Variants in SLC8A3 observed in about 807,000 individuals in gnomAD.
SLC8A3 encodes the protein sodium/calcium exchanger 3.
Under a neutral mutation model 65.4 loss-of-function variants are expected in SLC8A3, and 37 were observed. That is an observed-to-expected ratio of 0.57 (90% CI 0.44 to 0.74). SLC8A3 has a LOEUF of 0.74. SLC8A3 is among the 30% of genes least tolerant of loss of function. The pLI is 0.00. For missense variants in SLC8A3, 1,112 were observed against 1,172.1 expected, an observed-to-expected ratio of 0.95 and a Z score of 0.75; for synonymous variants, 461 against 444.5, an observed-to-expected ratio of 1.04 and a Z score of -0.47.
chr14:70,095,162 T>A (rs1315737143), intron 2 of SLC8A3, among the ~76,000 whole-genome samples: 1 of 152,198 alleles, frequency 6.6e-6, no homozygotes, highest in Admixed American at 6.5e-5. Context: ...AATCCAGGTG[T>A]TCTAAGTATT....
chr14:70,176,696 C>T (rs1897931012), intron 1 of SLC8A3, among the ~76,000 whole-genome samples: 1 of 152,212 alleles, frequency 6.6e-6, no homozygotes, highest in Non-Finnish European at 1.5e-5. Context: ...TCCTTTCATA[C>T]CTTGCCAAGA....
chr14:70,089,741 C>T (rs974411701), intron 2 of SLC8A3, among the ~76,000 whole-genome samples: 2 of 152,126 alleles, frequency 1.3e-5, no homozygotes, highest in African/African-American at 4.8e-5. Context: ...ATTGTGACTT[C>T]CGTTTGCTGT....
rs1375894271 is a variant in SLC8A3, at chr14:70,068,468, C to T, written c.1785-7529G>A. On this transcript the variant is annotated intron_variant, in intron 2 of 6. Coordinates refer to ENST00000356921, the MANE Select transcript of SLC8A3 (RefSeq NM_182932.3). Reference sequence around the variant, plus strand: ...ATCATGACTCACTGCAGCCTCAACTCCTGTGCTCAGGCCGTCCTCCTGCCT... The same window carrying T: ...ATCATGACTCACTGCAGCCTCAACTTCTGTGCTCAGGCCGTCCTCCTGCCT... Among the ~76,000 whole-genome samples the T allele has an allele frequency of 2.0e-5, 3 of 152,140 alleles. 1 individual carries two copies. The highest frequency in any genetic ancestry group is 4.4e-5 in the Non-Finnish European group (3 of 68,028).
intron 2 of SLC8A3, among the ~76,000 whole-genome samples, chr14:70,156,504 A>G (rs957958049): frequency 6.6e-6 from 1 of 152,188 alleles, no homozygotes; most frequent in African/African-American, 2.4e-5. Context: ...AGTCCTTTCC[A>G]AGATGGCCCC....
At chr14:70,185,487 G>A (rs1310511136) in intron 1 of SLC8A3, among the ~76,000 whole-genome samples, 3 of 152,328 alleles carry the variant, frequency 2.0e-5, no homozygotes, top group Middle Eastern at 3.4e-3. Flanking sequence ...ACAACCTATC[G>A]GCTTTAGGGT....
chr14:70,094,317 G>A (rs184797898), intron 2 of SLC8A3, among the ~76,000 whole-genome samples: 1 of 152,326 alleles, frequency 6.6e-6, no homozygotes, highest in African/African-American at 2.4e-5. Flanking sequence ...GGATAATAAA[G>A]CTTGCATAAC....
chr14:70,092,685 T>C (rs138368771), intron 2 of SLC8A3, among the ~76,000 whole-genome samples: 1 of 152,336 alleles, frequency 6.6e-6, no homozygotes, highest in East Asian at 1.9e-4. Flanking sequence ...GATGTGGGTC[T>C]GAGTGCTGCT....
intron 2 of SLC8A3, among the ~76,000 whole-genome samples, chr14:70,120,133 C>T (rs1277366192): frequency 1.3e-5 from 2 of 152,214 alleles, no homozygotes; most frequent in Admixed American, 6.5e-5. Context: ...CCTGCATCCC[C>T]ATCCCCAAGT....
intron 1 of SLC8A3, among the ~76,000 whole-genome samples, chr14:70,180,642 G>A (rs918741530): frequency 6.6e-6 from 1 of 152,202 alleles, no homozygotes; most frequent in Non-Finnish European, 1.5e-5. Flanking sequence ...AAGCCACTGA[G>A]CAGAGTGGTT....
At chr14:70,109,335 CAT>C (rs1401240610) in intron 2 of SLC8A3, among the ~76,000 whole-genome samples, 2 of 148,042 alleles carry the variant, frequency 1.4e-5, no homozygotes, top group African/African-American at 2.5e-5. Flanking sequence ...TACACACACA[CAT>C]ATATATACAT....
At chr14:70,174,179 C>A (rs902321258) in intron 1 of SLC8A3, among the ~76,000 whole-genome samples, 1 of 152,206 alleles carries the variant, frequency 6.6e-6, no homozygotes, top group Non-Finnish European at 1.5e-5. Flanking sequence ...AGCGCCCCTT[C>A]GAGCAAAGGC....
chr14:70,140,918 C>A (rs534004532), intron 2 of SLC8A3, among the ~76,000 whole-genome samples: 17 of 152,268 alleles, frequency 1.1e-4, no homozygotes, highest in Admixed American at 3.3e-4. Flanking sequence ...AAAAGCAGGA[C>A]CAAATTCTCA....
chr14:70,175,362 AT>A (rs1309455074), intron 1 of SLC8A3, among the ~76,000 whole-genome samples: 2 of 152,196 alleles, frequency 1.3e-5, no homozygotes, highest in African/African-American at 2.4e-5. Flanking sequence ...AAGATTCATA[AT>A]TTACCCAAGG....
In SLC8A3 at chr14:70,074,619, C is replaced by T. The variant is rs41344445; in HGVS notation, c.1785-13680G>A. 4.8e-3 allele frequency among the ~76,000 whole-genome samples: 724 copies of T among 152,262 alleles called. 4 individuals carry two copies. Among genetic ancestry groups the T allele is most frequent in the African/African-American group, 0.017 (686 of 41,544 alleles). ...CTATGCTTAAAGGTCTGAAGTTATT[C>T]TTATGGTCAAAGCAAGAGGCTGATA... On this transcript the variant is annotated intron_variant, in intron 2 of 6. Coordinates refer to ENST00000356921, the MANE Select transcript of SLC8A3 (RefSeq NM_182932.3).
intron 1 of SLC8A3, among the ~76,000 whole-genome samples, chr14:70,170,088 C>T (rs1194045176): frequency 6.6e-6 from 1 of 152,154 alleles, no homozygotes; most frequent in South Asian, 2.1e-4. Flanking sequence ...CATATAGCCA[C>T]CGTAATCTTT....
rs547593509 is a variant in SLC8A3, at chr14:70,180,904, G to T, written c.-63+7475C>A. Among the ~76,000 whole-genome samples, 13 of 152,336 alleles carry T rather than the reference G, an allele frequency of 8.5e-5. No homozygotes were observed. In the East Asian group the frequency reaches 2.5e-3, roughly 29 times the overall value. ...GGCACCTTACTGGCTGGACAGCTGA[G>T]TTGACTGGCCAAGTTGATCTCTAGA... is the stretch of plus-strand genomic sequence containing the variant. On this transcript the variant is annotated intron_variant, in intron 1 of 6. Transcript: ENST00000356921.
At chr14:70,137,061 A>G (rs17107801) in intron 2 of SLC8A3, among the ~76,000 whole-genome samples, 17,745 of 152,230 alleles carry the variant, frequency 0.12, 1,113 homozygotes, top group Middle Eastern at 0.16. Context: ...CAGAGATAAA[A>G]CTGGGAACCA....
intron 2 of SLC8A3, among the ~76,000 whole-genome samples, chr14:70,097,465 G>A (rs1295828212): frequency 2.0e-5 from 3 of 152,080 alleles, no homozygotes; most frequent in Admixed American, 6.5e-5. Flanking sequence ...TCTCAAATCC[G>A]GTTGTCTGGG....
At chr14:70,077,046 C>G (rs974987037) in intron 2 of SLC8A3, among the ~76,000 whole-genome samples, 1 of 152,202 alleles carries the variant, frequency 6.6e-6, no homozygotes, top group Admixed American at 6.5e-5. Context: ...CAAAACCCCA[C>G]AGCACAGTAA....
Sources: gnomAD v4.1 joint callset for allele counts (sites outside exome capture counted in the v4.1 genomes callset) on GRCh38, gnomAD v4.1.1 for gene constraint, MANE v1.5 for transcripts, NCBI Gene and HGNC (gene_info 2026-07-23, HGNC 2026-07-21) for gene names.